Variants in MCMDC2 observed in about 807,000 individuals in gnomAD.
MCMDC2 encodes the protein minichromosome maintenance domain-containing protein 2.
Under a neutral mutation model 75.8 loss-of-function variants are expected in MCMDC2, and 54 were observed. That is an observed-to-expected ratio of 0.71 (90% CI 0.57 to 0.89). The LOEUF is 0.89. MCMDC2 is among the 40% of genes least tolerant of loss of function. The probability of loss-of-function intolerance (pLI) is 0.00; values close to 1 mark genes in which losing one functional copy is unlikely to be tolerated. For synonymous variants in MCMDC2, 249 were observed against 274.6 expected (o/e 0.91, Z 0.92); for missense variants, 656 against 780.4 (o/e 0.84, Z 1.90).
intron 4 of MCMDC2, 41 bp downstream of exon 4, chr8:66,874,627 T>C: frequency 6.6e-7 from 1 of 1,515,686 alleles, no homozygotes; most frequent in South Asian, 1.2e-5. Context: ...GGTACAGATT[T>C]ACATGATGAC....
intron 10 of MCMDC2, among the ~76,000 whole-genome samples, chr8:66,895,910 G>A (rs1360962104): frequency 2.0e-5 from 3 of 152,080 alleles, no homozygotes; most frequent in Non-Finnish European, 2.9e-5. Context: ...CCCCTGCCTA[G>A]TCCACTCAGG....
At chr8:66,872,949 C>CT (rs1406853000) in intron 1 of MCMDC2, among the ~76,000 whole-genome samples, 5 of 130,784 alleles carry the variant, frequency 3.8e-5, no homozygotes, top group African/African-American at 2.9e-5. Context: ...AGAGTTGGGA[C>CT]TCCATCTCAA....
chr8:66,896,125 C>T (rs1426563061), intron 10 of MCMDC2, 45 bp from the exon 11 acceptor site: 2 of 1,562,452 alleles, frequency 1.3e-6, no homozygotes, highest in African/African-American at 1.4e-5. Context: ...GACATTTAGA[C>T]CAAAATGAAC....
At chr8:66,892,309 A>C (rs1243958367) in intron 10 of MCMDC2, among the ~76,000 whole-genome samples, 1 of 152,196 alleles carries the variant, frequency 6.6e-6, no homozygotes, top group African/African-American at 2.4e-5. Context: ...GCTGGCTAGG[A>C]AAGTGTTACA....
At position 66,890,890 on chromosome 8, in the gene MCMDC2, GT is replaced by G; in HGVS notation, c.1100del (p.Val367AlafsTer8). ...DRLLNFSINLVPRGIRHLVST... is the reference protein window; with the variant it reads ...DRLLNFSINLXPRGIRHLVST... The stretch of plus-strand genomic sequence containing the variant: ...GCTTCTGAATTTTAGCATAAACCTT[GT>G]CCCCCGTGGTATACGTCATCTAGTC... On this transcript the variant is annotated frameshift_variant, in exon 10 of 15. Transcript: ENST00000422365. LOFTEE classifies it high-confidence loss of function. The G allele has an allele frequency of 6.2e-7, 1 of 1,609,076 alleles. No individual in the cohort carries two copies. The highest frequency in any genetic ancestry group is 8.5e-7 in the Non-Finnish European group (1 of 1,178,826).
chr8:66,885,469 C>T (rs1326303102), intron 9 of MCMDC2, among the ~76,000 whole-genome samples: 4 of 151,938 alleles, frequency 2.6e-5, no homozygotes, highest in Admixed American at 1.3e-4. Context: ...ACCTCCCATT[C>T]TTGATCATTG....
At chr8:66,913,145 G>A (rs558546423) in intron 14 of MCMDC2, among the ~76,000 whole-genome samples, 1 of 152,156 alleles carries the variant, frequency 6.6e-6, no homozygotes, top group African/African-American at 2.4e-5. Flanking sequence ...CCTTCCACCA[G>A]CAAAAAGATT....
At chr8:66,875,327 T>C (rs1811227040) in intron 4 of MCMDC2, among the ~76,000 whole-genome samples, 2 of 152,182 alleles carry the variant, frequency 1.3e-5, no homozygotes, top group African/African-American at 2.4e-5. Flanking sequence ...TTGCCCAGGC[T>C]GGAGTGCAAT....
chr8:66,874,236 T>TA lies in MCMDC2; in HGVS notation c.94+3dup, dbSNP rs765268006. ...TAGATGATTGCAAGTACTACAATGG[T>TA]ACGTTCAGCAAAGGTGAGTTATTTT... is the stretch of plus-strand genomic sequence containing the variant. On this transcript the variant is annotated splice_region_variant and intron_variant, in intron 2 of 14. Coordinates refer to ENST00000422365, the MANE Select transcript of MCMDC2 (RefSeq NM_173518.5). The TA allele has an allele frequency of 3.7e-6, 6 of 1,611,416 alleles. No homozygotes were observed. The highest frequency in any genetic ancestry group is 5.1e-6 in the Non-Finnish European group (6 of 1,179,256).
At chr8:66,922,701 C>T (rs1813600349), downstream of MCMDC2, 2 of 294,886 alleles carry the variant, frequency 6.8e-6, no homozygotes, top group Non-Finnish European at 1.4e-5. Flanking sequence ...TTTCATACAC[C>T]TTCACCTCAA....
chr8:66,901,964 G>A (rs536565003), intron 13 of MCMDC2, among the ~76,000 whole-genome samples: 4 of 151,922 alleles, frequency 2.6e-5, no homozygotes, highest in South Asian at 2.1e-4. Flanking sequence ...TTGGTCAGGC[G>A]CGGTGGCTCA....
chr8:66,914,283 C>CAAAAAAA (rs67943900), intron 14 of MCMDC2, among the ~76,000 whole-genome samples: 9 of 85,704 alleles, frequency 1.1e-4, no homozygotes, highest in Admixed American at 2.8e-4. Context: ...ACCCTGTATC[C>CAAAAAAA]AAAAAAAAAA....
rs140472456 is a variant in MCMDC2 at position 66,874,561 on chromosome 8, T to C, written c.260T>C (p.Ile87Thr). The C allele has an allele frequency of 7.4e-6, 12 of 1,612,798 alleles. No individual in the cohort carries two copies. The African/African-American group carries it at 9.3e-5, about 13-fold the overall frequency. Reference protein sequence around the residue: ...CFIAVKTLSLIGQLQTETQIN... With the variant: ...CFIAVKTLSLTGQLQTETQIN... ...ATTGCTGTTAAGACTCTCTCATTAA[T>C]TGGACAATTGCAGACTGAAACGCAA... Residue 87 changes from isoleucine to threonine, a missense_variant, in exon 4 of 15, where the codon ATT (isoleucine) becomes ACT (threonine). By Grantham distance (89) the Ile-to-Thr change is moderately conservative. Coordinates refer to ENST00000422365, the MANE Select transcript of MCMDC2 (RefSeq NM_173518.5).
chr8:66,886,699 C>A (rs751295735), intron 9 of MCMDC2, among the ~76,000 whole-genome samples: 50 of 151,642 alleles, frequency 3.3e-4, no homozygotes, highest in Non-Finnish European at 5.6e-4. Flanking sequence ...TGCTTGAACC[C>A]AGGAGGTGGA....
chr8:66,877,952 AT>A (rs1268124965), intron 5 of MCMDC2, among the ~76,000 whole-genome samples: 9 of 152,204 alleles, frequency 5.9e-5, no homozygotes, highest in Admixed American at 2.6e-4. Flanking sequence ...ATAGAAAAAA[AT>A]TGAATAAAAA....
At chr8:66,872,990 A>G (rs1263657541) in intron 1 of MCMDC2, among the ~76,000 whole-genome samples, 1 of 151,508 alleles carries the variant, frequency 6.6e-6, no homozygotes, top group Non-Finnish European at 1.5e-5. Flanking sequence ...CAACCTGGTA[A>G]TGAATGAATA....
In MCMDC2 at chr8:66,902,709, AAAATATATATATATAT is replaced by A. The variant is rs1475694856; in HGVS notation, c.1769+1363_1769+1378del. Among the ~76,000 whole-genome samples, 26 of 106,186 alleles carry A rather than the reference AAAATATATATATATAT, an allele frequency of 2.4e-4. No individual in the cohort carries two copies. In the East Asian group the frequency reaches 6.2e-3, roughly 25 times the overall value. 69.7% of individuals were successfully genotyped at this position (106,186 alleles called of 152,430 possible). On this transcript the variant is annotated intron_variant, in intron 13 of 14. Transcript: ENST00000422365. ...TTCTGTCTCAAAAAAAAAAAAAAAAAAAATATATATATATATATATATATATATATATACATATATC... is the reference window on the plus strand; with the variant it reads ...TTCTGTCTCAAAAAAAAAAAAAAAAAATATATATATATATATACATATATC...
At chr8:66,882,213 A>C (rs556865975) in intron 8 of MCMDC2, among the ~76,000 whole-genome samples, 1 of 152,326 alleles carries the variant, frequency 6.6e-6, no homozygotes, top group South Asian at 2.1e-4. Context: ...GTATTAATTT[A>C]TCAAGGTTGA....
chr8:66,878,563 T>A lies in MCMDC2; in HGVS notation c.482-11T>A. 1 of 1,568,486 alleles carries A rather than the reference T, an allele frequency of 6.4e-7. No individual in the cohort carries two copies. Among genetic ancestry groups the A allele is most frequent in the Non-Finnish European group, 8.6e-7 (1 of 1,162,372 alleles). ...TGAAAGCAAATGTATGTTACCACTGTTTTCTTTCAGGATTTCAGTATATAA... is the reference window on the plus strand; with the variant it reads ...TGAAAGCAAATGTATGTTACCACTGATTTCTTTCAGGATTTCAGTATATAA... On this transcript the variant is annotated splice_polypyrimidine_tract_variant and intron_variant, in intron 5 of 14. Transcript: ENST00000422365.
Sources: allele counts gnomAD v4.1 joint callset (sites outside exome capture counted in the v4.1 genomes callset), GRCh38; gene constraint gnomAD v4.1.1; transcripts MANE v1.5; gene names NCBI Gene and HGNC (gene_info 2026-07-23, HGNC 2026-07-21).